Variants in PRPF40B observed in about 807,000 individuals in gnomAD.
PRPF40B encodes pre-mRNA-processing factor 40 homolog B.
A neutral mutation model predicts 124.5 loss-of-function variants in PRPF40B; 56 were observed. The observed-to-expected ratio is 0.45, with a 90% confidence interval of 0.36 to 0.56. The LOEUF (loss-of-function observed/expected upper bound fraction) is 0.56, where lower values mean the gene tolerates loss of function less well. Ranked by LOEUF, PRPF40B falls within the 20% of genes least tolerant of loss-of-function variation. The pLI, the probability that PRPF40B is intolerant of heterozygous loss-of-function variation, is 0.00. For synonymous variants in PRPF40B, 443 were observed against 426.4 expected, an observed-to-expected ratio of 1.04 and a Z score of -0.48; for missense variants, 1,053 against 1,169.5, an observed-to-expected ratio of 0.90 and a Z score of 1.45.
rs1941238810 is a variant in PRPF40B, at chr12:49,631,666, T to A, written c.228+122T>A. On this transcript the variant is annotated intron_variant, in intron 3 of 25. Transcript: ENST00000548825. The surrounding 1 kb of genome is among the most constrained non-coding windows in gnomAD (Gnocchi z 4.3). ...GGAAGGGAGCTTTGGGCCAAACCCA[T>A]GTGGATTTGTCTGCTGAATGACTGA... 13 of 1,344,890 alleles carry A rather than the reference T, an allele frequency of 9.7e-6. No homozygotes were observed. Among genetic ancestry groups the A allele is most frequent in the Admixed American group, 5.7e-5 (3 of 52,842 alleles). 83.3% of individuals were successfully genotyped at this position (1,344,890 alleles called of 1,614,324 possible). A position where few individuals can be genotyped will look rare whatever the true frequency, so the allele number is the denominator to read the frequency against.
Position 49,633,097 on chromosome 12 carries a change from GCCCAGCGT to G in PRPF40B, c.433_440del (p.Pro145AlafsTer28). 1 of 1,596,660 alleles carries G rather than the reference GCCCAGCGT, an allele frequency of 6.3e-7. No individual in the cohort carries two copies. The highest frequency in any genetic ancestry group is 8.5e-7 in the Non-Finnish European group (1 of 1,172,360). On this transcript the variant is annotated frameshift_variant, in exon 7 of 26. Transcript: ENST00000548825. LOFTEE classifies it high-confidence loss of function. ...ACGACAAGCAGTCCGTGTGGGAGAA[GCCCAGCGT>G]GCTCAAGTCCAAGGCAGAGGTCCTG...
chr12:49,633,449 G>A lies in PRPF40B; in HGVS notation c.482G>A (p.Trp161Ter). The A allele has an allele frequency of 6.2e-7, 1 of 1,614,138 alleles. No homozygotes were observed. Among genetic ancestry groups the A allele is most frequent in the Non-Finnish European group, 8.5e-7 (1 of 1,180,012 alleles). The change falls in exon 8 of 26, where the codon TGG becomes TAG. Residue 161 changes from tryptophan to a stop codon, truncating the protein, a stop_gained. Transcript: ENST00000548825. LOFTEE classifies it high-confidence loss of function. ...CAGCTGCTCCTGTCCCAATGTCCCT[G>A]GAAAGAGTACAAGTCGGACACAGGC... Reference protein sequence around the residue: ...KAELLLSQCPWKEYKSDTGKP... With the variant: ...KAELLLSQCP
intron 1 of PRPF40B, among the ~76,000 whole-genome samples, chr12:49,626,231 A>T (rs1940701783): frequency 6.6e-6 from 1 of 152,222 alleles, no homozygotes; most frequent in African/African-American, 2.4e-5. Context: ...GTATGCAAAA[A>T]TCTAATAAGG....
chr12:49,632,929 G>T, intron 6 of PRPF40B, 49 bp downstream of exon 6: 1 of 1,612,794 alleles, frequency 6.2e-7, no homozygotes, highest in Non-Finnish European at 8.5e-7. Context: ...CTGAGAGTGG[G>T]GGACTGATAG....
chr12:49,642,099 C>A lies in PRPF40B; in HGVS notation c.1884+75C>A, dbSNP rs543476065. 2.5e-6 allele frequency: 4 copies of A among 1,602,472 alleles called. No individual in the cohort carries two copies. The highest frequency in any genetic ancestry group is 2.7e-5 in the African/African-American group (2 of 74,860). ...GCTCCATTCCTTCTCACTCACTGTC[C>A]CACTGACTATATTCCCAATTCAGGG... On this transcript the variant is annotated intron_variant, in intron 19 of 25. Transcript: ENST00000548825. This position sits in a 1 kb window ranked among gnomAD's most constrained non-coding sequence, Gnocchi z 5.8.
intron 12 of PRPF40B, 107 bp from the exon 13 acceptor site, chr12:49,634,992 C>T (rs1393772547): frequency 5.0e-6 from 6 of 1,210,896 alleles, no homozygotes; most frequent in African/African-American, 1.5e-5. Context: ...CATCTGTGCC[C>T]TTGGAGCCCC....
intron 18 of PRPF40B, 55 bp from the exon 19 acceptor site, chr12:49,641,853 C>G: frequency 1.4e-5 from 20 of 1,473,404 alleles, no homozygotes; most frequent in Non-Finnish European, 1.9e-5. Flanking sequence ...CTCTGCCTGC[C>G]AGCTTTGGCC....
intron 23 of PRPF40B, 100 bp downstream of exon 23, chr12:49,643,497 G>T: frequency 6.9e-7 from 1 of 1,459,418 alleles, no homozygotes; most frequent in East Asian, 2.3e-5. Flanking sequence ...GACTGGATTG[G>T]GAGGGCTGCA....
In PRPF40B at chr12:49,631,254, T is replaced by C. The variant is rs561558901; in HGVS notation, c.85-147T>C. The C allele has an allele frequency of 2.9e-5, 16 of 543,648 alleles. No homozygotes were observed. The highest frequency in any genetic ancestry group is 4.2e-5 in the Non-Finnish European group (13 of 307,660). 33.7% of individuals were successfully genotyped at this position (543,648 alleles called of 1,614,324 possible). On this transcript the variant is annotated intron_variant, in intron 2 of 25. Transcript: ENST00000548825. The surrounding 1 kb of genome is among the most constrained non-coding windows in gnomAD (Gnocchi z 4.3). ...AGGAGGGAGGCAGTTTCATGCCTTG[T>C]GCTTCTCAAACTAAAGCCTTGGAAT...
intron 1 of PRPF40B, among the ~76,000 whole-genome samples, chr12:49,628,562 G>GTTTT (rs1226851283): frequency 7.4e-6 from 1 of 134,982 alleles, no homozygotes. Flanking sequence ...GCCAGGAACA[G>GTTTT]TTTTTTTTTT....
chr12:49,643,500 G>C (rs1293732884), intron 23 of PRPF40B, 103 bp downstream of exon 23: 7 of 1,450,162 alleles, frequency 4.8e-6, no homozygotes, highest in Non-Finnish European at 6.5e-6. Context: ...TGGATTGGGA[G>C]GGCTGCACCT....
intron 18 of PRPF40B, chr12:49,639,855 T>C (rs1942366538): frequency 6.6e-6 from 1 of 152,180 alleles, no homozygotes; most frequent in South Asian, 2.1e-4. Context: ...AGGAATTCTA[T>C]TTGGGGAATT....
Position 49,636,031 on chromosome 12 carries a change from T to G in PRPF40B, c.1426+38T>G, listed in dbSNP as rs778430329. On this transcript the variant is annotated intron_variant, in intron 15 of 25. Coordinates refer to ENST00000548825, the MANE Select transcript of PRPF40B (RefSeq NM_001031698.3). ...CTCCAATCCCAGCTATCCCTTTCCC[T>G]TTCTTTACTGGACCTGGGACCCCAG... The G allele has an allele frequency of 6.2e-6, 10 of 1,610,720 alleles. No homozygotes were observed. The South Asian group carries it at 9.9e-5, about 16-fold the overall frequency.
rs375325470 is a variant in PRPF40B at position 49,637,200 on chromosome 12, G to A, written c.1561-270G>A. 2.2e-3 allele frequency: 1,244 copies of A among 575,074 alleles called. 13 individuals carry two copies. The highest frequency in any genetic ancestry group is 0.012 in the South Asian group (570 of 46,856). 35.6% of individuals were successfully genotyped at this position (575,074 alleles called of 1,614,324 possible). ...GTGGCAGTGGTGGTGGTAGTGCTAG[G>A]GGTTACTGCAGGCAGGTTTCTGTTT... On this transcript the variant is annotated intron_variant, in intron 16 of 25. Transcript: ENST00000548825.
chr12:49,623,652 C>T, intron 1 of PRPF40B, 59 bp downstream of exon 1: 1 of 1,229,254 alleles, frequency 8.1e-7, no homozygotes, highest in Non-Finnish European at 1.0e-6. Context: ...CCCCCTGCGG[C>T]CCGGGCCGTG....
intron 1 of PRPF40B, among the ~76,000 whole-genome samples, chr12:49,624,529 G>T (rs967612368): frequency 1.3e-5 from 2 of 152,212 alleles, no homozygotes; most frequent in Non-Finnish European, 2.9e-5. Flanking sequence ...TCTTCAGAGG[G>T]AGAGTGATGA....
In PRPF40B at chr12:49,631,501, C is replaced by T. The variant is rs778406034; in HGVS notation, c.185C>T (p.Pro62Leu). The change falls in exon 3 of 26, where the codon CCC becomes CTC. Residue 62 changes from proline to leucine, a missense_variant. Pro to Leu is a moderately conservative substitution (Grantham distance 98). This residue lies in a region of PRPF40B where 158 missense variants were observed against 117.3 expected (regional missense o/e 1.35). Coordinates refer to ENST00000548825, the MANE Select transcript of PRPF40B (RefSeq NM_001031698.3). This position sits in a 1 kb window ranked among gnomAD's most constrained non-coding sequence, Gnocchi z 4.3. ...CCCCCCATGCCACCTGGCATCCTGCCCCCAATGCTTCCACCAATGGGGGCG... is the reference window on the plus strand; with the variant it reads ...CCCCCCATGCCACCTGGCATCCTGCTCCCAATGCTTCCACCAATGGGGGCG... ...AIPPMPPGIL[P>L]PMLPPMGAPP... The T allele has an allele frequency of 1.3e-6, 2 of 1,549,034 alleles. No homozygotes were observed. Among genetic ancestry groups the T allele is most frequent in the Admixed American group, 2.2e-5 (1 of 46,238 alleles).
At chr12:49,626,851 A>T (rs1217469186) in intron 1 of PRPF40B, among the ~76,000 whole-genome samples, 1 of 152,094 alleles carries the variant, frequency 6.6e-6, no homozygotes, top group African/African-American at 2.4e-5. Context: ...GGCAGATTGG[A>T]TCCAGTCCCA....
At chr12:49,629,442 C>T (rs772800400) in intron 1 of PRPF40B, among the ~76,000 whole-genome samples, 39 of 152,174 alleles carry the variant, frequency 2.6e-4, no homozygotes, top group Non-Finnish European at 5.0e-4. Context: ...AAACATACAG[C>T]ATTTTGGCCA....
Sources: gnomAD v4.1 joint callset for allele counts (sites outside exome capture counted in the v4.1 genomes callset) on GRCh38, gnomAD v4.1.1 for gene constraint, gnomAD v4.1.1 regional missense constraint, Gnocchi (gnomAD v3.1) non-coding constraint, MANE v1.5 for transcripts, NCBI Gene and HGNC (gene_info 2026-07-23, HGNC 2026-07-21) for gene names.